The following BRSK2 variants were observed in gnomAD, a reference collection of about 807,000 sequenced individuals.
BRSK2 encodes serine/threonine-protein kinase BRSK2.
Under a neutral mutation model 83.3 loss-of-function variants are expected in BRSK2, and 19 were observed. The observed-to-expected ratio is 0.23, with a 90% CI of 0.16 to 0.33. BRSK2 has a LOEUF of 0.33. Ranked by LOEUF, BRSK2 falls within the 10% of genes least tolerant of loss-of-function variation. BRSK2 has a pLI of 1.00. For missense variants in BRSK2, 798 were observed against 1,042.3 expected (o/e 0.77, Z 3.23); for synonymous variants, 519 against 435.4 (o/e 1.19, Z -2.39).
chr11:1,396,865 T>C (rs1463667887), intron 1 of BRSK2, among the ~76,000 whole-genome samples: 1 of 152,210 alleles, frequency 6.6e-6, no homozygotes, highest in East Asian at 1.9e-4. Context: ...GGCCCTGCCC[T>C]CAGCTCTGGA....
At chr11:1,436,759 C>T (rs1178696935) in intron 2 of BRSK2, among the ~76,000 whole-genome samples, 1 of 152,164 alleles carries the variant, frequency 6.6e-6, no homozygotes, top group Non-Finnish European at 1.5e-5. Flanking sequence ...GCGTGCGACC[C>T]TCCCAGCACT....
chr11:1,420,825 C>T (rs1848572326), intron 1 of BRSK2, among the ~76,000 whole-genome samples: 1 of 152,338 alleles, frequency 6.6e-6, no homozygotes, highest in South Asian at 2.1e-4. Context: ...GGCTCAGCCT[C>T]CATGTGGCAT....
chr11:1,416,022 C>T (rs1250076422), intron 1 of BRSK2, among the ~76,000 whole-genome samples: 1 of 152,244 alleles, frequency 6.6e-6, no homozygotes, highest in Non-Finnish European at 1.5e-5. Context: ...CAAGCTGAAC[C>T]AAGTTCATTA....
chr11:1,459,565 G>A (rs1000877153), intron 19 of BRSK2: 1 of 378,390 alleles, frequency 2.6e-6, no homozygotes, highest in Admixed American at 3.8e-5. Context: ...CCTAGGGGAG[G>A]GGCCGGTGCC....
intron 12 of BRSK2, among the ~76,000 whole-genome samples, chr11:1,448,229 G>A (rs565984222): frequency 1.6e-3 from 240 of 152,310 alleles, no homozygotes; most frequent in Middle Eastern, 0.01. Flanking sequence ...CCGAGCAGCC[G>A]TCCTGTGCCC....
In BRSK2 at chr11:1,440,820, A is replaced by C; in HGVS notation, c.305A>C (p.Glu102Ala). 6.3e-7 allele frequency: 1 copy of C among 1,590,626 alleles called. No individual in the cohort carries two copies. The highest frequency in any genetic ancestry group is 8.6e-7 in the Non-Finnish European group (1 of 1,168,220). The change falls in exon 4 of 20, where the codon GAG becomes GCG. Residue 102 changes from glutamate (E) to alanine (A), a missense_variant. By Grantham distance (107) the Glu-to-Ala change is moderately radical. This residue lies in a region of BRSK2 where 109 missense variants were observed against 259.2 expected (regional missense o/e 0.42). Transcript: ENST00000528841. ...YLVLEHVSGGELFDYLVKKGR... is the reference protein window; with the variant it reads ...YLVLEHVSGGALFDYLVKKGR... Reference sequence around the variant, plus strand: ...GTGCTAGAACACGTGTCAGGTGGTGAGCTCTTCGACTACCTGGTGAAGAAG... The same window carrying C: ...GTGCTAGAACACGTGTCAGGTGGTGCGCTCTTCGACTACCTGGTGAAGAAG...
At chr11:1,445,968 G>T in intron 12 of BRSK2, 61 bp downstream of exon 12, 1 of 1,530,768 alleles carries the variant, frequency 6.5e-7, no homozygotes, top group Non-Finnish European at 8.8e-7. Flanking sequence ...CGGCACTGCC[G>T]CCTGGCTCAT....
rs967546107 is a variant in BRSK2, at chr11:1,438,282, T to C, written c.187-24T>C. ...GCGTGCCCCAGCCCTGTGAGCGTGA[T>C]GTTCTCTGGCCTCTCCCATGCAGGT... On this transcript the variant is annotated intron_variant, in intron 2 of 19. Coordinates refer to ENST00000528841, the MANE Select transcript of BRSK2 (RefSeq NM_001256627.2). The surrounding 1 kb of genome is among the most constrained non-coding windows in gnomAD (Gnocchi z 6.4). The C allele has an allele frequency of 9.3e-6, 15 of 1,611,124 alleles. No homozygotes were observed. The highest frequency in any genetic ancestry group is 6.7e-5 in the Admixed American group (4 of 59,954).
intron 16 of BRSK2, among the ~76,000 whole-genome samples, chr11:1,455,589 C>T (rs1360882877): frequency 1.3e-5 from 2 of 152,014 alleles, no homozygotes; most frequent in Admixed American, 6.6e-5. Context: ...GAGAGCCCAG[C>T]GCTGGGCAGG....
chr11:1,397,723 G>A (rs1428972376), intron 1 of BRSK2, among the ~76,000 whole-genome samples: 1 of 152,232 alleles, frequency 6.6e-6, no homozygotes, highest in Admixed American at 6.5e-5. Context: ...CTGAGCTTGG[G>A]TCCTGTCTGC....
Position 1,417,051 on chromosome 11 carries a change from C to T in BRSK2, c.92-18989C>T, listed in dbSNP as rs535029846. Among the ~76,000 whole-genome samples the T allele has an allele frequency of 5.9e-5, 9 of 152,080 alleles. No homozygotes were observed. The South Asian group carries it at 1.7e-3, about 28-fold the overall frequency. On this transcript the variant is annotated intron_variant, in intron 1 of 19. Transcript: ENST00000528841. ...GCAGGCACCTGTAATCCCAGCCACT[C>T]GGGAGGCTGAGGCAGGAGAATTGCT...
At chr11:1,434,241 G>A (rs886632049) in intron 1 of BRSK2, among the ~76,000 whole-genome samples, 8 of 152,356 alleles carry the variant, frequency 5.3e-5, no homozygotes, top group East Asian at 1.9e-4. Context: ...AGCACAGCGC[G>A]TGCACGGAAG....
At position 1,423,530 on chromosome 11, in the gene BRSK2, G is replaced by A. The variant is rs920509923; in HGVS notation, c.92-12510G>A. Among the ~76,000 whole-genome samples the A allele has an allele frequency of 5.3e-5, 8 of 152,084 alleles. No homozygotes were observed. Among genetic ancestry groups the A allele is most frequent in the East Asian group, 1.9e-4 (1 of 5,184 alleles). ...GCCCACAGTCGTGTGAGCAGAGGAC[G>A]GCACTCGCGAGCTCCCTGGGGCTCC... On this transcript the variant is annotated intron_variant, in intron 1 of 19. Coordinates refer to ENST00000528841, the MANE Select transcript of BRSK2 (RefSeq NM_001256627.2). This position sits in a 1 kb window ranked among gnomAD's most constrained non-coding sequence, Gnocchi z 6.5.
intron 1 of BRSK2, among the ~76,000 whole-genome samples, chr11:1,427,459 C>T (rs983232247): frequency 3.3e-5 from 5 of 152,182 alleles, no homozygotes; most frequent in African/African-American, 1.2e-4. Flanking sequence ...CTAGTCTGCT[C>T]CCTGAGGCCC....
chr11:1,445,543 C>T (rs1243700755), intron 10 of BRSK2, 28 bp from the exon 11 acceptor site: 18 of 1,592,948 alleles, frequency 1.1e-5, no homozygotes, highest in South Asian at 3.4e-5. Flanking sequence ...CGTGTGCCAG[C>T]GCGTCTCGCG....
At chr11:1,392,138 T>C (rs1161774175) in intron 1 of BRSK2, among the ~76,000 whole-genome samples, 1 of 152,202 alleles carries the variant, frequency 6.6e-6, no homozygotes, top group African/African-American at 2.4e-5. Context: ...TTGCTGCTGC[T>C]GAAGGGTCAC....
At chr11:1,448,932 CAGGCCTGGTGGGT>C (rs1223655032) in intron 12 of BRSK2, among the ~76,000 whole-genome samples, 3 of 152,234 alleles carry the variant, frequency 2.0e-5, no homozygotes, top group South Asian at 2.1e-4. Context: ...TGGCGGTGGG[CAGGCCTGGTGGGT>C]AGTGCAGGCC....
chr11:1,441,945 A>C (rs1590579332), intron 4 of BRSK2, among the ~76,000 whole-genome samples: 1 of 29,874 alleles, frequency 3.3e-5, no homozygotes, highest in Admixed American at 3.4e-4. Context: ...GCTGCCCCTC[A>C]AGTGCACCGT....
At chr11:1,427,415 C>G (rs1381473032) in intron 1 of BRSK2, among the ~76,000 whole-genome samples, 1 of 152,158 alleles carries the variant, frequency 6.6e-6, no homozygotes, top group Non-Finnish European at 1.5e-5. Context: ...TCCTGGCCGG[C>G]TCAGGAGCAC....
Sources: allele counts gnomAD v4.1 joint callset (sites outside exome capture counted in the v4.1 genomes callset), GRCh38; gene constraint gnomAD v4.1.1; regional missense constraint gnomAD v4.1.1; non-coding constraint Gnocchi (gnomAD v3.1); transcripts MANE v1.5; gene names NCBI Gene and HGNC (gene_info 2026-07-23, HGNC 2026-07-21).